OPA3: variants seen among roughly 807,000 people sequenced by gnomAD.
The protein encoded by OPA3 is optic atrophy 3 protein.
A neutral mutation model predicts 4.0 loss-of-function variants in OPA3; 6 were observed. The observed-to-expected ratio is 1.51, with a 90% CI of 0.83 to 2.99. The LOEUF (loss-of-function observed/expected upper bound fraction) is 2.99. Ranked by LOEUF, OPA3 falls within the 30% of genes most tolerant of loss-of-function variation. The pLI is 0.00. For missense variants in OPA3, 235 were observed against 256.2 expected, an observed-to-expected ratio of 0.92 and a Z score of 0.56; for synonymous variants, 105 against 117.1, an observed-to-expected ratio of 0.90 and a Z score of 0.67.
intron 1 of OPA3, among the ~76,000 whole-genome samples, chr19:45,536,540 C>T (rs1217478116): frequency 7.1e-6 from 1 of 140,720 alleles, no homozygotes; most frequent in Non-Finnish European, 1.5e-5. Flanking sequence ...AAGAGTGAAA[C>T]TCTGTCTCAA....
downstream of OPA3, among the ~76,000 whole-genome samples, chr19:45,544,985 A>AAAAAAC (rs1017600172): frequency 2.0e-5 from 3 of 150,190 alleles, no homozygotes; most frequent in East Asian, 2.0e-4. Flanking sequence ...TTCCGTCTCA[A>AAAAAAC]AAAAACAAAA....
chr19:45,577,874 G>A (rs1314726822), intron 1 of OPA3, among the ~76,000 whole-genome samples: 2 of 152,180 alleles, frequency 1.3e-5, no homozygotes, highest in African/African-American at 4.8e-5. Context: ...TGGCTCCAAT[G>A]TCAATGTCAA....
In OPA3 at chr19:45,548,097, T is replaced by G. The variant is rs1969277842; in HGVS notation, c.*5417A>C. The G allele has an allele frequency of 1.0e-6, 1 of 984,690 alleles. No individual in the cohort carries two copies. Among genetic ancestry groups the G allele is most frequent in the African/African-American group, 1.7e-5 (1 of 57,206 alleles). The allele number at this position is 984,690 out of a possible 1,614,324, so 61.0% of individuals were successfully genotyped here. A position where few individuals can be genotyped will look rare whatever the true frequency, so the allele number is the denominator to read the frequency against. ...GGCTCCCAGCTACTAGAATGGAGCC[T>G]GGTGCAGTTGATCCTCAGTACACTC... is the stretch of plus-strand genomic sequence containing the variant. On this transcript the variant is annotated 3_prime_UTR_variant, in exon 2 of 2. Coordinates refer to ENST00000263275, the MANE Select transcript of OPA3 (RefSeq NM_025136.4).
At chr19:45,545,354 C>T (rs576195626), downstream of OPA3, among the ~76,000 whole-genome samples, 211 of 151,550 alleles carry the variant, frequency 1.4e-3, no homozygotes, top group Non-Finnish European at 2.5e-3. Flanking sequence ...CATAAAGAGA[C>T]CCCCATCTCT....
chr19:45,538,850 C>T (rs972987686), intron 1 of OPA3, among the ~76,000 whole-genome samples: 3 of 152,194 alleles, frequency 2.0e-5, no homozygotes, highest in Non-Finnish European at 4.4e-5. Flanking sequence ...ACCACTAATG[C>T]TTCCAAAGTT....
chr19:45,564,960 C>T (rs59837667), intron 1 of OPA3, among the ~76,000 whole-genome samples: 14,955 of 152,224 alleles, frequency 0.098, 941 homozygotes, highest in East Asian at 0.23. Context: ...GGCGTGGTGG[C>T]TCACGCCTGT....
chr19:45,578,346 T>G (rs1400961780), intron 1 of OPA3, among the ~76,000 whole-genome samples: 1 of 152,180 alleles, frequency 6.6e-6, no homozygotes, highest in African/African-American at 2.4e-5. Context: ...CTGCACTTGA[T>G]GGATCAGCTG....
intron 1 of OPA3, among the ~76,000 whole-genome samples, chr19:45,577,542 T>C (rs1025938534): frequency 4.6e-5 from 7 of 152,236 alleles, no homozygotes; most frequent in African/African-American, 1.7e-4. Flanking sequence ...CAGGTCTTTC[T>C]GTCCAACCTG....
chr19:45,572,428 CATGATATATGTATATCAATAT>C (rs897390644), intron 1 of OPA3, among the ~76,000 whole-genome samples: 4 of 120,020 alleles, frequency 3.3e-5, no homozygotes, highest in African/African-American at 1.3e-4. Context: ...CGATATATAT[CATGATATATGTATATCAATAT>C]ATGATATATA....
chr19:45,541,938 G>A (rs1316816177), downstream of OPA3, among the ~76,000 whole-genome samples: 10 of 152,266 alleles, frequency 6.6e-5, no homozygotes, highest in African/African-American at 2.4e-4. Context: ...TGTGGAGTAG[G>A]TCCACGGCAG....
chr19:45,549,106 C>T lies in OPA3; in HGVS notation c.*4408G>A. 2 of 985,152 alleles carry T rather than the reference C, an allele frequency of 2.0e-6. No homozygotes were observed. The highest frequency in any genetic ancestry group is 2.4e-6 in the Non-Finnish European group (2 of 829,790). 61.0% of individuals were successfully genotyped at this position (985,152 alleles called of 1,614,324 possible). ...AGGTGTGAGCCACTGCGCCCAGTCC[C>T]AAGGACTTTTTAAATATGAAAAAAG... is the stretch of plus-strand genomic sequence containing the variant. On this transcript the variant is annotated 3_prime_UTR_variant, in exon 2 of 2. Coordinates refer to ENST00000263275, the MANE Select transcript of OPA3 (RefSeq NM_025136.4).
intron 1 of OPA3, among the ~76,000 whole-genome samples, chr19:45,535,747 CTG>C (rs1342201708): frequency 2.1e-5 from 3 of 139,778 alleles, no homozygotes; most frequent in Non-Finnish European, 3.1e-5. Flanking sequence ...AACATAATAA[CTG>C]TTTTTTTCTT....
intron 1 of OPA3, among the ~76,000 whole-genome samples, chr19:45,533,546 G>T (rs1257519794): frequency 6.6e-6 from 1 of 152,166 alleles, no homozygotes; most frequent in Non-Finnish European, 1.5e-5. Flanking sequence ...ACAGATGTAC[G>T]TTGTTTCCTT....
intron 1 of OPA3, among the ~76,000 whole-genome samples, chr19:45,577,840 G>C (rs1409889856): frequency 6.6e-6 from 1 of 152,102 alleles, no homozygotes; most frequent in East Asian, 1.9e-4. Flanking sequence ...TCCAGACATC[G>C]GGACACACTA....
Position 45,546,483 on chromosome 19 carries a change from G to T in OPA3, c.*7031C>A. 2 of 598,000 alleles carry T rather than the reference G, an allele frequency of 3.3e-6. No individual in the cohort carries two copies. Among genetic ancestry groups the T allele is most frequent in the Non-Finnish European group, 4.2e-6 (2 of 477,516 alleles). The allele number at this position is 598,000 out of a possible 1,614,324, so 37.0% of individuals were successfully genotyped here. A position where few individuals can be genotyped will look rare whatever the true frequency, so the allele number is the denominator to read the frequency against. ...TTATTGTATAAATATGCACACGATG[G>T]ATTACATAAACTCTGCTTTTTTTTT... On this transcript the variant is annotated 3_prime_UTR_variant, in exon 2 of 2. Transcript: ENST00000263275.
At chr19:45,570,828 T>A in intron 1 of OPA3, among the ~76,000 whole-genome samples, 1 of 138,732 alleles carries the variant, frequency 7.2e-6, no homozygotes, top group Non-Finnish European at 1.5e-5. Context: ...GTGCCACTAC[T>A]CTCCAGCCTG....
chr19:45,584,076 A>C (rs1386345316), intron 1 of OPA3, among the ~76,000 whole-genome samples: 2 of 152,148 alleles, frequency 1.3e-5, no homozygotes, highest in Non-Finnish European at 2.9e-5. Flanking sequence ...TTCCCAGGCC[A>C]TGTCTCCAGA....
intron 1 of OPA3, among the ~76,000 whole-genome samples, chr19:45,580,290 G>A (rs1454486332): frequency 1.4e-5 from 2 of 138,828 alleles, no homozygotes; most frequent in Non-Finnish European, 3.0e-5. Context: ...CACTGCACCC[G>A]GCCTTTTTTT....
intron 1 of OPA3, among the ~76,000 whole-genome samples, chr19:45,567,339 CAAAAA>C (rs749982867): frequency 6.6e-5 from 4 of 60,574 alleles, no homozygotes; most frequent in Non-Finnish European, 7.7e-5. Context: ...GACCCTGTGT[CAAAAA>C]AAAAAAAAAA....
Sources: gnomAD v4.1 joint callset for allele counts (sites outside exome capture counted in the v4.1 genomes callset) on GRCh38, gnomAD v4.1.1 for gene constraint, MANE v1.5 for transcripts, NCBI Gene and HGNC (gene_info 2026-07-23, HGNC 2026-07-21) for gene names.